Variants in MRPL43 observed in about 807,000 individuals in gnomAD.
The protein encoded by MRPL43 is mitochondrial ribosomal protein L43.
In MRPL43, 9 loss-of-function variants were observed where a neutral mutation model predicts 12.7. That is an observed-to-expected ratio of 0.71 (90% CI 0.43 to 1.24). MRPL43 has a LOEUF of 1.24. MRPL43 is among the 50% of genes most tolerant of loss of function. The pLI, the probability that MRPL43 is intolerant of heterozygous loss-of-function variation, is 0.00. For synonymous variants in MRPL43, 116 were observed against 96.4 expected, an observed-to-expected ratio of 1.20 and a Z score of -1.19; for missense variants, 211 against 229.2, an observed-to-expected ratio of 0.92 and a Z score of 0.51.
At chr10:100,978,199 CCTGATCG>C, downstream of MRPL43, 2 of 827,368 alleles carry the variant, frequency 2.4e-6, no homozygotes, top group Non-Finnish European at 4.0e-6. Context: ...TGCCCCTATC[CCTGATCG>C]CTGATCCCTG....
chr10:100,977,833 T>C, downstream of MRPL43: 2 of 1,033,062 alleles, frequency 1.9e-6, no homozygotes, highest in South Asian at 2.6e-5. Context: ...AGGAGACGGA[T>C]GGTTTATTAA....
rs1851562051 is a variant in MRPL43 at position 100,987,254 on chromosome 10, G to T, written c.132-58C>A. 1.5e-5 allele frequency: 24 copies of T among 1,612,390 alleles called. No homozygotes were observed. The East Asian group carries it at 2.7e-4, about 18-fold the overall frequency. On this transcript the variant is annotated intron_variant, in intron 1 of 2. Transcript: ENST00000318364. ...CCTGACTGGGGGCGACCTACCCGGG[G>T]AGTCGTTGCCACCTCCACACCCACC...
downstream of MRPL43, chr10:100,977,949 C>A (rs1589985096): frequency 2.1e-5 from 12 of 580,806 alleles, no homozygotes; most frequent in South Asian, 2.5e-4. Flanking sequence ...TAGCATCCTC[C>A]CCCTAATCAC....
At chr10:100,979,886 T>C, downstream of MRPL43, 1 of 1,614,044 alleles carries the variant, frequency 6.2e-7, no homozygotes, top group Non-Finnish European at 8.5e-7. Flanking sequence ...CGCTATGACC[T>C]GGCAGAGATC....
chr10:100,984,122 CTCTG>C (rs1851296377), downstream of MRPL43: 4 of 1,608,916 alleles, frequency 2.5e-6, no homozygotes, highest in South Asian at 1.1e-5. Context: ...TAGATGAGAG[CTCTG>C]TCTGAGCCCA....
Position 100,986,786 on chromosome 10 carries a change from AG to A in MRPL43, c.427del (p.Leu143TyrfsTer56). On this transcript the variant is annotated frameshift_variant, in exon 3 of 3. Transcript: ENST00000318364. LOFTEE classifies it low-confidence loss of function (END_TRUNC). ...AGGATCCTGAACCTCTCGGGGGCGT[AG>A]CCCGCGGAACGTGGTCGGCTTGTTG... ...FTNKPTTFRG[L>X]RPREVQDPAP... The A allele has an allele frequency of 6.2e-7, 1 of 1,613,878 alleles. No homozygotes were observed. Among genetic ancestry groups the A allele is most frequent in the Non-Finnish European group, 8.5e-7 (1 of 1,180,038 alleles).
At chr10:100,984,639 G>A (rs1463832678), downstream of MRPL43, 1 of 1,536,210 alleles carries the variant, frequency 6.5e-7, no homozygotes, top group South Asian at 1.2e-5. Flanking sequence ...TTTATCGGCT[G>A]GGCTGCAGTG....
Position 100,986,936 on chromosome 10 carries a change from G to T in MRPL43, c.278C>A (p.Ser93Ter). Reference sequence around the variant, plus strand: ...CACCAGCGTCGAGATCTCCTCGACCGACTTGCAGTGGATGCTCTCCTCGCG... The same window carrying T: ...CACCAGCGTCGAGATCTCCTCGACCTACTTGCAGTGGATGCTCTCCTCGCG... ...AVREESIHCK[S>*]VEEISTLVQK... The change falls in exon 3 of 3, where the codon TCG becomes TAG. Residue 93 changes from serine (S) to a stop codon, truncating the protein, a stop_gained. Coordinates refer to ENST00000318364, the MANE Select transcript of MRPL43 (RefSeq NM_032112.3). LOFTEE classifies it high-confidence loss of function. The T allele has an allele frequency of 1.2e-6, 2 of 1,609,100 alleles. No homozygotes were observed. The highest frequency in any genetic ancestry group is 1.7e-6 in the Non-Finnish European group (2 of 1,179,992).
chr10:100,984,495 G>A (rs1358850075), downstream of MRPL43: 1 of 1,533,940 alleles, frequency 6.5e-7, no homozygotes, highest in Non-Finnish European at 8.7e-7. Flanking sequence ...CCCAGGCAGG[G>A]CTCTGCAGGT....
chr10:100,983,872 G>A (rs1201126917), downstream of MRPL43: 2 of 1,565,296 alleles, frequency 1.3e-6, no homozygotes, highest in African/African-American at 1.4e-5. Context: ...GAGGGCAGCT[G>A]TCTCCAGATC....
rs1403837845 is a variant in MRPL43, at chr10:100,987,451, G to A, written c.-8C>T. On this transcript the variant is annotated 5_prime_UTR_variant, in exon 1 of 3. Transcript: ENST00000318364. ...AGTCCCGCGCGCCGTCATAGCTACA[G>A]CTTGGAGGCCGCGGAGCCTAAGCAG... 1.9e-6 allele frequency: 3 copies of A among 1,611,568 alleles called. No homozygotes were observed. Among genetic ancestry groups the A allele is most frequent in the African/African-American group, 1.3e-5 (1 of 74,932 alleles).
downstream of MRPL43, chr10:100,981,659 T>C: frequency 7.7e-7 from 1 of 1,300,110 alleles, no homozygotes; most frequent in Admixed American, 1.9e-5. Context: ...ACAGCATTCT[T>C]ATGAGAAAGG....
At chr10:100,978,496 G>C, downstream of MRPL43, 3 of 1,605,226 alleles carry the variant, frequency 1.9e-6, no homozygotes, top group Non-Finnish European at 1.7e-6. Flanking sequence ...AATATGACAT[G>C]TCTCTCATGC....
downstream of MRPL43, chr10:100,984,446 CTCCTGTTCCAT>C: frequency 6.6e-7 from 1 of 1,510,656 alleles, no homozygotes; most frequent in Admixed American, 2.0e-5. Context: ...GGACTCCATC[CTCCTGTTCCAT>C]TCATCTGCCC....
Position 100,987,427 on chromosome 10 carries a change from G to A in MRPL43, c.17C>T (p.Thr6Ile). 1.2e-6 allele frequency: 2 copies of A among 1,612,308 alleles called. No homozygotes were observed. Among genetic ancestry groups the A allele is most frequent in the African/African-American group, 1.3e-5 (1 of 75,074 alleles). ...AACGCTGGCCAAGAAGCGGCTCGGA[G>A]TCCCGCGCGCCGTCATAGCTACAGC... MTARG[T>I]PSRFLASVLH... The change falls in exon 1 of 3, where the codon ACT becomes ATT. Residue 6 changes from threonine (T) to isoleucine (I), a missense_variant. Physicochemically the swap from Thr to Ile is moderately conservative, Grantham distance 89 (BLOSUM62 -1). Transcript: ENST00000318364.
chr10:100,978,925 C>T, downstream of MRPL43: 16 of 1,614,208 alleles, frequency 9.9e-6, no homozygotes, highest in African/African-American at 1.3e-5. Flanking sequence ...AGGTGTACTA[C>T]TTCTTCACGG....
Position 100,986,680 on chromosome 10 carries a change from C to T in MRPL43, c.*54G>A. 1.2e-6 allele frequency: 2 copies of T among 1,613,922 alleles called. No homozygotes were observed. Among genetic ancestry groups the T allele is most frequent in the Non-Finnish European group, 1.7e-6 (2 of 1,179,896 alleles). ...TTGGAATCCCAAAGGGGAAGAACCA[C>T]CTTTACCGGAGTAACAGTCCAAAGC... On this transcript the variant is annotated 3_prime_UTR_variant, in exon 3 of 3. Coordinates refer to ENST00000318364, the MANE Select transcript of MRPL43 (RefSeq NM_032112.3).
At chr10:100,983,748 T>C (rs200288019), downstream of MRPL43, 67 of 1,612,958 alleles carry the variant, frequency 4.2e-5, no homozygotes, top group East Asian at 1.5e-3. Context: ...CCGACGGAAA[T>C]ACTCACTGGG....
At chr10:100,978,687 T>C (rs1850911343), downstream of MRPL43, 2 of 1,588,684 alleles carry the variant, frequency 1.3e-6, no homozygotes, top group Admixed American at 3.3e-5. Context: ...GGACTATTTC[T>C]TCATTTTTAC....
Sources: allele counts gnomAD v4.1 joint callset, GRCh38; gene constraint gnomAD v4.1.1; transcripts MANE v1.5; gene names NCBI Gene and HGNC (gene_info 2026-07-23, HGNC 2026-07-21).